WDFY4: variants seen among roughly 807,000 people sequenced by gnomAD.
WDFY4 encodes the protein WD repeat- and FYVE domain-containing protein 4.
In WDFY4, 169 loss-of-function variants were observed where a neutral mutation model predicts 351.9. That is an observed-to-expected ratio of 0.48 (90% confidence interval 0.42 to 0.55). The LOEUF is 0.55. Ranked by LOEUF, WDFY4 falls within the 20% of genes least tolerant of loss-of-function variation. The pLI, the probability that WDFY4 is intolerant of heterozygous loss-of-function variation, is 0.00. For synonymous variants in WDFY4, 1,622 were observed against 1,574.6 expected (o/e 1.03, Z -0.71); for missense variants, 3,803 against 3,935.6 (o/e 0.97, Z 0.90).
intron 1 of WDFY4, among the ~76,000 whole-genome samples, chr10:48,694,191 T>C (rs564522623): frequency 6.6e-6 from 1 of 152,286 alleles, no homozygotes; most frequent in Non-Finnish European, 1.5e-5. Flanking sequence ...CCCTGTCATT[T>C]TCCTTCTCTG....
rs114738301 is a variant in WDFY4, at chr10:48,696,661, T to C, written c.-18+11660T>C. Among the ~76,000 whole-genome samples the C allele has an allele frequency of 4.9e-3, 753 of 152,328 alleles. 8 individuals are homozygous for C. The highest frequency in any genetic ancestry group is 0.018 in the African/African-American group (729 of 41,576). Reference sequence around the variant, plus strand: ...GGGACTAGGGCAGCTGACTCAGACCTTGGGGCTGAACCCCAAAGATGGATG... The same window carrying C: ...GGGACTAGGGCAGCTGACTCAGACCCTGGGGCTGAACCCCAAAGATGGATG... On this transcript the variant is annotated intron_variant, in intron 1 of 61. Transcript: ENST00000325239.
In WDFY4 at chr10:48,790,803, C is replaced by T. The variant is rs1490927096; in HGVS notation, c.4143C>T (p.Leu1381=). 1.3e-6 allele frequency: 2 copies of T among 1,551,682 alleles called. No homozygotes were observed. Among genetic ancestry groups the T allele is most frequent in the South Asian group, 2.4e-5 (2 of 84,068 alleles). Residue 1381 remains leucine, a synonymous_variant, in exon 23 of 62, where the codon CTC becomes CTT. Transcript: ENST00000325239. ...FIGGPAILLG[L]ISLATDDHTM... ...GCGGGCCTGCCATCCTCCTGGGCCT[C>T]ATCTCCTTAGCGACAGATGACCATA...
rs1022503605 is a variant in WDFY4 at position 48,807,811 on chromosome 10, A to T, written c.4739-48A>T. 6.5e-6 allele frequency: 10 copies of T among 1,531,288 alleles called. No homozygotes were observed. In the East Asian group the frequency reaches 2.5e-4, roughly 38 times the overall value. 94.9% of individuals were successfully genotyped at this position (1,531,288 alleles called of 1,614,324 possible). On this transcript the variant is annotated intron_variant, in intron 27 of 61. Transcript: ENST00000325239. ...ATGATTGCTTACTGCAGCAAATATTATGTCTCTTTACATCCATTTTCTCTC... is the reference window on the plus strand; with the variant it reads ...ATGATTGCTTACTGCAGCAAATATTTTGTCTCTTTACATCCATTTTCTCTC...
chr10:48,855,115 T>C (rs2069091945), intron 39 of WDFY4, among the ~76,000 whole-genome samples: 1 of 152,198 alleles, frequency 6.6e-6, no homozygotes, highest in Non-Finnish European at 1.5e-5. Context: ...TCCAAAACAG[T>C]AACTGGGTTT....
rs529514319 is a variant in WDFY4, at chr10:48,813,847, C to T, written c.5215-110C>T. 96 of 1,312,358 alleles carry T rather than the reference C, an allele frequency of 7.3e-5. 1 individual carries two copies. Among genetic ancestry groups the T allele is most frequent in the South Asian group, 3.9e-4 (22 of 56,448 alleles). The allele number at this position is 1,312,358 out of a possible 1,614,324, so 81.3% of individuals were successfully genotyped here. A position where few individuals can be genotyped will look rare whatever the true frequency, so the allele number is the denominator to read the frequency against. On this transcript the variant is annotated intron_variant, in intron 30 of 61. Transcript: ENST00000325239. ...CAACCACCTAGGCTGCCAGTGTGCT[C>T]TTTTGCTTTTCCCACTGGGAACCCC...
At position 48,721,824 on chromosome 10, in the gene WDFY4, C is replaced by A. The variant is rs183122005; in HGVS notation, c.456+457C>A. 3.9e-5 allele frequency among the ~76,000 whole-genome samples: 6 copies of A among 152,296 alleles called. No homozygotes were observed. The East Asian group carries it at 1.2e-3, about 29-fold the overall frequency. On this transcript the variant is annotated intron_variant, in intron 4 of 61. Coordinates refer to ENST00000325239, the MANE Select transcript of WDFY4 (RefSeq NM_001394531.1). The stretch of plus-strand genomic sequence containing the variant: ...ACGCAGGCTTACCTACGCTGTGCAC[C>A]TGCAGTCTATCTGATTCTAGAACCC...
At chr10:48,813,888 C>T in intron 30 of WDFY4, 69 bp from the exon 31 acceptor site, 1 of 1,413,424 alleles carries the variant, frequency 7.1e-7, no homozygotes, top group Non-Finnish European at 9.3e-7. Flanking sequence ...ACATGATGAA[C>T]TGGCTGCAAA....
chr10:48,905,857 C>T (rs1314737186), intron 47 of WDFY4, among the ~76,000 whole-genome samples: 1 of 152,248 alleles, frequency 6.6e-6, no homozygotes, highest in African/African-American at 2.4e-5. Context: ...ATTTTAGAAT[C>T]ACCTGATGTG....
chr10:48,691,825 A>G (rs942508603), intron 1 of WDFY4, among the ~76,000 whole-genome samples: 4 of 152,234 alleles, frequency 2.6e-5, no homozygotes, highest in Non-Finnish European at 4.4e-5. Context: ...CATGTGAGCA[A>G]TTAGTAACGT....
intron 51 of WDFY4, among the ~76,000 whole-genome samples, chr10:48,949,175 T>C (rs183716275): frequency 6.6e-6 from 1 of 152,344 alleles, no homozygotes; most frequent in East Asian, 1.9e-4. Flanking sequence ...CAGATCTGTC[T>C]TGGGTAGATT....
chr10:48,886,639 C>T (rs2070468614), intron 43 of WDFY4, among the ~76,000 whole-genome samples: 1 of 152,178 alleles, frequency 6.6e-6, no homozygotes, highest in South Asian at 2.1e-4. Context: ...ACTTCCTGTC[C>T]ACCAGAACCA....
At chr10:48,937,050 C>T (rs535632610) in intron 47 of WDFY4, among the ~76,000 whole-genome samples, 5 of 151,814 alleles carry the variant, frequency 3.3e-5, no homozygotes, top group East Asian at 4.0e-4. Context: ...CCCACCACCA[C>T]GCCTGGCTAA....
chr10:48,780,168 CT>C (rs2066172365), intron 19 of WDFY4, 49 bp downstream of exon 19: 16 of 1,543,962 alleles, frequency 1.0e-5, no homozygotes, highest in Non-Finnish European at 1.3e-5. Context: ...ATACCTCCTG[CT>C]ACTACCCTGA....
chr10:48,735,396 A>G (rs1355071464), intron 10 of WDFY4, among the ~76,000 whole-genome samples: 1 of 152,238 alleles, frequency 6.6e-6, no homozygotes, highest in African/African-American at 2.4e-5. Flanking sequence ...TTTGTCAGAG[A>G]GAAGACAGAA....
chr10:48,836,622 T>C (rs1010636818), intron 39 of WDFY4, among the ~76,000 whole-genome samples: 3 of 152,244 alleles, frequency 2.0e-5, no homozygotes, highest in African/African-American at 7.2e-5. Flanking sequence ...AAATGTTTTA[T>C]TCCTGGTGGG....
intron 39 of WDFY4, among the ~76,000 whole-genome samples, chr10:48,839,750 A>G (rs1031378342): frequency 3.3e-5 from 5 of 152,242 alleles, no homozygotes; most frequent in Non-Finnish European, 7.3e-5. Flanking sequence ...GTGGGAGGAA[A>G]AGTCTTTTGA....
Position 48,873,616 on chromosome 10 carries a change from C to T in WDFY4, c.6867C>T (p.Asp2289=). 6.4e-7 allele frequency: 1 copy of T among 1,551,802 alleles called. No individual in the cohort carries two copies. Among genetic ancestry groups the T allele is most frequent in the Non-Finnish European group, 8.7e-7 (1 of 1,147,008 alleles). Residue 2289 remains aspartate, a synonymous_variant, in exon 41 of 62, where the codon GAC becomes GAT. Coordinates refer to ENST00000325239, the MANE Select transcript of WDFY4 (RefSeq NM_001394531.1). The stretch of plus-strand genomic sequence containing the variant: ...AGCCCTGTTCCCCATGGGAACTCGA[C>T]TGGAGAGAAGGACCAGCTCGAATGA... ...ETKPCSPWEL[D]WREGPARMRK... is the part of the protein sequence containing the mutation.
At chr10:48,835,551 C>T (rs1424992381) in intron 39 of WDFY4, among the ~76,000 whole-genome samples, 1 of 152,134 alleles carries the variant, frequency 6.6e-6, no homozygotes, top group Non-Finnish European at 1.5e-5. Flanking sequence ...CCTTTTAGCA[C>T]CAGGAAGAAC....
chr10:48,937,549 A>T (rs1253063083), intron 47 of WDFY4, among the ~76,000 whole-genome samples: 1 of 152,150 alleles, frequency 6.6e-6, no homozygotes, highest in Non-Finnish European at 1.5e-5. Flanking sequence ...CCATATCTTC[A>T]TCTGTTAATG....
Sources: gnomAD v4.1 joint callset for allele counts (sites outside exome capture counted in the v4.1 genomes callset) on GRCh38, gnomAD v4.1.1 for gene constraint, MANE v1.5 for transcripts, NCBI Gene and HGNC (gene_info 2026-07-23, HGNC 2026-07-21) for gene names.